The following DNAJC3 variants were observed in gnomAD, a reference collection of about 807,000 sequenced individuals.
DNAJC3 encodes dnaJ homolog subfamily C member 3.
A neutral mutation model predicts 68.6 loss-of-function variants in DNAJC3; 38 were observed. The ratio of observed to expected loss-of-function variants is 0.55; its 90% CI spans 0.43 to 0.73. The LOEUF (loss-of-function observed/expected upper bound fraction) is 0.73, where lower values mean the gene tolerates loss of function less well. DNAJC3 is among the 30% of genes least tolerant of loss of function. The pLI is 0.00. For missense variants in DNAJC3, 526 were observed against 591.9 expected (o/e 0.89, Z 1.16); for synonymous variants, 203 against 204.0 (o/e 1.00, Z 0.04).
intron 9 of DNAJC3, among the ~76,000 whole-genome samples, chr13:95,779,414 G>A (rs760285409): frequency 1.4e-4 from 21 of 152,024 alleles, no homozygotes; most frequent in African/African-American, 3.4e-4. Flanking sequence ...ATGAGCCATC[G>A]CGCCCGGCCT....
chr13:95,757,747 G>A lies in DNAJC3; in HGVS notation c.497G>A (p.Gly166Glu). The change falls in exon 5 of 12, where the codon GGA (glycine) becomes GAA (glutamate). Residue 166 changes from glycine (G) to glutamate (E), a missense_variant. Coordinates refer to ENST00000602402, the MANE Select transcript of DNAJC3 (RefSeq NM_006260.5). ...RLRSQALNAFGSGDYTAAIAF... is the reference protein window; with the variant it reads ...RLRSQALNAFESGDYTAAIAF... ...CGTTCACAAGCACTTAACGCTTTTG[G>A]AAGTGGAGATTATACTGCTGCTATA... The A allele has an allele frequency of 1.9e-6, 3 of 1,574,132 alleles. No individual in the cohort carries two copies. In the Admixed American group the frequency reaches 5.0e-5, roughly 26 times the overall value.
chr13:95,781,797 A>ATG (rs1055271988), intron 9 of DNAJC3, among the ~76,000 whole-genome samples: 2 of 151,084 alleles, frequency 1.3e-5, no homozygotes, highest in African/African-American at 4.9e-5. Flanking sequence ...TAAACATTGG[A>ATG]TGTGTGTGTG....
At position 95,791,034 on chromosome 13, in the gene DNAJC3, A is replaced by C. The variant is rs1883755060; in HGVS notation, c.*4A>C. 1 of 1,613,344 alleles carries C rather than the reference A, an allele frequency of 6.2e-7. No homozygotes were observed. The highest frequency in any genetic ancestry group is 8.5e-7 in the Non-Finnish European group (1 of 1,179,806). On this transcript the variant is annotated 3_prime_UTR_variant, in exon 12 of 12. Transcript: ENST00000602402. ...ATTTAAATTCCACTTCAATTAAACC[A>C]ACTGTTTTTCTGCTCTTCTTAATTT...
intron 1 of DNAJC3, among the ~76,000 whole-genome samples, chr13:95,684,597 G>A (rs976995267): frequency 3.9e-5 from 6 of 152,192 alleles, no homozygotes; most frequent in African/African-American, 9.7e-5. Flanking sequence ...AAGTAAAGAG[G>A]AGCCAAGTGC....
intron 9 of DNAJC3, among the ~76,000 whole-genome samples, chr13:95,780,214 C>A (rs373486781): frequency 2.0e-5 from 3 of 152,168 alleles, no homozygotes; most frequent in Non-Finnish European, 4.4e-5. Context: ...TGCCCCTGTA[C>A]CCCATTCCTT....
chr13:95,790,232 A>C (rs1300396386), intron 11 of DNAJC3, among the ~76,000 whole-genome samples: 1 of 152,162 alleles, frequency 6.6e-6, no homozygotes. Flanking sequence ...GGGTTTTTCT[A>C]ATGACTCTGA....
At chr13:95,702,180 T>G (rs1029658586) in intron 1 of DNAJC3, among the ~76,000 whole-genome samples, 10 of 152,212 alleles carry the variant, frequency 6.6e-5, no homozygotes, top group African/African-American at 2.2e-4. Context: ...GATAATCACA[T>G]ATAACTGTGT....
chr13:95,776,334 A>C (rs1883291281), intron 9 of DNAJC3, among the ~76,000 whole-genome samples: 1 of 152,184 alleles, frequency 6.6e-6, no homozygotes, highest in Non-Finnish European at 1.5e-5. Flanking sequence ...GCAATTGTTT[A>C]GAAGTTTTCT....
Position 95,792,242 on chromosome 13 carries a change from T to A in DNAJC3, c.*1212T>A, listed in dbSNP as rs1053123913. 4 of 152,254 alleles carry A rather than the reference T, an allele frequency of 2.6e-5. No homozygotes were observed. Among genetic ancestry groups the A allele is most frequent in the African/African-American group, 9.6e-5 (4 of 41,474 alleles). The allele number at this position is 152,254 out of a possible 1,614,324, so 9.4% of individuals were successfully genotyped here. On this transcript the variant is annotated 3_prime_UTR_variant, in exon 12 of 12. Transcript: ENST00000602402. ...TTCTTACCTTTTAAGAAGATACTAT[T>A]TAAGAAGTGAACTATTCAGTCTTTG...
At chr13:95,782,593 A>G (rs1315817272) in intron 9 of DNAJC3, among the ~76,000 whole-genome samples, 3 of 152,146 alleles carry the variant, frequency 2.0e-5, no homozygotes, top group African/African-American at 7.2e-5. Flanking sequence ...TTGGCTGCAT[A>G]CATGTCTTCT....
intron 4 of DNAJC3, among the ~76,000 whole-genome samples, chr13:95,725,962 A>C (rs1881502256): frequency 6.6e-6 from 1 of 151,492 alleles, no homozygotes; most frequent in African/African-American, 2.4e-5. Context: ...GCTGAGAATG[A>C]TGGTTTCCAG....
intron 1 of DNAJC3, among the ~76,000 whole-genome samples, chr13:95,702,641 T>C (rs185352606): frequency 1.8e-4 from 28 of 152,336 alleles, no homozygotes; most frequent in Non-Finnish European, 5.9e-5. Context: ...AAGTGCAGTC[T>C]ATTAGGCCCT....
intron 9 of DNAJC3, among the ~76,000 whole-genome samples, chr13:95,766,603 A>G (rs541168605): frequency 6.6e-6 from 1 of 152,298 alleles, no homozygotes; most frequent in South Asian, 2.1e-4. Context: ...TGCTGAATGA[A>G]TGAAGGTAAT....
chr13:95,721,642 T>G (rs545163461), intron 2 of DNAJC3, among the ~76,000 whole-genome samples: 16 of 148,564 alleles, frequency 1.1e-4, no homozygotes, highest in Admixed American at 3.4e-4. Flanking sequence ...ATGTGTGTGT[T>G]TTTTTTTTTT....
intron 1 of DNAJC3, among the ~76,000 whole-genome samples, chr13:95,700,310 T>G (rs1279678681): frequency 6.6e-6 from 1 of 152,108 alleles, no homozygotes; most frequent in African/African-American, 2.4e-5. Context: ...ATAAAAGAGG[T>G]TTTCAGAACT....
intron 9 of DNAJC3, among the ~76,000 whole-genome samples, chr13:95,764,369 CTCTCTCTA>C (rs1330305332): frequency 5.1e-5 from 7 of 136,762 alleles, no homozygotes; most frequent in East Asian, 2.1e-4. Context: ...CTCTCTCTCT[CTCTCTCTA>C]TATATATATA....
intron 4 of DNAJC3, among the ~76,000 whole-genome samples, chr13:95,728,763 G>A (rs1023833136): frequency 5.9e-5 from 9 of 152,010 alleles, no homozygotes; most frequent in African/African-American, 1.7e-4. Flanking sequence ...ATCAAGTCAG[G>A]GTATTCAGAA....
chr13:95,678,480 G>T (rs1879828153), intron 1 of DNAJC3, among the ~76,000 whole-genome samples: 1 of 152,096 alleles, frequency 6.6e-6, no homozygotes, highest in South Asian at 2.1e-4. Context: ...AGAACACGTA[G>T]TGTGGCAACA....
intron 1 of DNAJC3, among the ~76,000 whole-genome samples, chr13:95,703,657 A>T (rs976051277): frequency 1.3e-5 from 2 of 152,246 alleles, no homozygotes; most frequent in Admixed American, 1.3e-4. Context: ...AATTATGAAG[A>T]TTGACTGTAT....
Sources: allele counts gnomAD v4.1 joint callset (sites outside exome capture counted in the v4.1 genomes callset), GRCh38; gene constraint gnomAD v4.1.1; transcripts MANE v1.5; gene names NCBI Gene and HGNC (gene_info 2026-07-23, HGNC 2026-07-21).